Variants in CLEC17A observed in about 807,000 individuals in gnomAD.
CLEC17A encodes the protein C-type lectin domain family 17, member A.
CLEC17A carries 37 observed loss-of-function variants against 61.3 expected under a neutral mutation model. That is an observed-to-expected ratio of 0.60 (90% CI 0.46 to 0.79). The LOEUF (loss-of-function observed/expected upper bound fraction) is 0.79. Ranked by LOEUF, CLEC17A falls within the 30% of genes least tolerant of loss-of-function variation. The pLI is 0.00. For synonymous variants in CLEC17A, 168 were observed against 164.9 expected (o/e 1.02, Z -0.14); for missense variants, 418 against 464.7 (o/e 0.90, Z 0.92).
chr19:14,595,748 G>A (rs1470311667), intron 8 of CLEC17A, among the ~76,000 whole-genome samples: 2 of 152,124 alleles, frequency 1.3e-5, no homozygotes, highest in Non-Finnish European at 2.9e-5. Flanking sequence ...AGATAGTGAT[G>A]GTGTTGTTGG....
upstream of CLEC17A, among the ~76,000 whole-genome samples, chr19:14,581,700 A>G (rs1207017808): frequency 6.6e-6 from 1 of 151,470 alleles, no homozygotes; most frequent in Non-Finnish European, 1.5e-5. Flanking sequence ...TTGCCCAGGC[A>G]GGAGTGCAAT....
rs1222044172 is a variant in CLEC17A at position 14,611,374 on chromosome 19, T to C, written c.*1178T>C. On this transcript the variant is annotated 3_prime_UTR_variant, in exon 14 of 14. Coordinates refer to ENST00000417570, the MANE Select transcript of CLEC17A (RefSeq NM_001204118.2). ...CTTGGCCCGTGGAACTTCTATCCTT[T>C]TTTTTTTTTTTTTTTTTTTTTGAGA... Among the ~76,000 whole-genome samples the C allele has an allele frequency of 1.6e-5, 2 of 127,714 alleles. No individual in the cohort carries two copies. The highest frequency in any genetic ancestry group is 3.1e-5 in the Non-Finnish European group (2 of 64,452). 83.8% of individuals were successfully genotyped at this position (127,714 alleles called of 152,430 possible). A position where few individuals can be genotyped will look rare whatever the true frequency, so the allele number is the denominator to read the frequency against.
chr19:14,597,003 C>G lies in CLEC17A; in HGVS notation c.573C>G (p.Thr191=). The G allele has an allele frequency of 6.2e-7, 1 of 1,609,772 alleles. No individual in the cohort carries two copies. The highest frequency in any genetic ancestry group is 8.5e-7 in the Non-Finnish European group (1 of 1,178,088). The change falls in exon 9 of 14, where the codon ACC becomes ACG. Residue 191 remains threonine, a synonymous_variant. Coordinates refer to ENST00000417570, the MANE Select transcript of CLEC17A (RefSeq NM_001204118.2). ...TGGGCTGCCTTGGTCTCACTGTGAC[C>G]CTGATTAAGTGTGAGTAGGGCCAGG... ...LFLGCLGLTV[T]LIKYQELMEE...
Position 14,592,166 on chromosome 19 carries a change from G to A in CLEC17A, c.200-115G>A, listed in dbSNP as rs1247539057. 3 of 1,311,440 alleles carry A rather than the reference G, an allele frequency of 2.3e-6. No individual in the cohort carries two copies. The East Asian group carries it at 7.5e-5, about 33-fold the overall frequency. 81.2% of individuals were successfully genotyped at this position (1,311,440 alleles called of 1,614,324 possible). A position where few individuals can be genotyped will look rare whatever the true frequency, so the allele number is the denominator to read the frequency against. The stretch of plus-strand genomic sequence containing the variant: ...CAGGCTGGGGCTGGGGCCCAGGTGT[G>A]GTCAAGATCCAGGGTACAGAATCCC... On this transcript the variant is annotated intron_variant, in intron 3 of 13. Transcript: ENST00000417570.
chr19:14,607,208 TC>T, intron 13 of CLEC17A, 106 bp downstream of exon 13: 1 of 416,566 alleles, frequency 2.4e-6, no homozygotes, highest in East Asian at 4.1e-5. Flanking sequence ...AGGAGCTGTT[TC>T]TTTTTTTTTT....
At chr19:14,609,777 G>T (rs1394578353) in intron 13 of CLEC17A, among the ~76,000 whole-genome samples, 1 of 151,916 alleles carries the variant, frequency 6.6e-6, no homozygotes, top group African/African-American at 2.4e-5. Context: ...GACAGAGGTT[G>T]CAGTGAGCCG....
At chr19:14,581,610 G>C (rs534571212), upstream of CLEC17A, among the ~76,000 whole-genome samples, 5 of 152,138 alleles carry the variant, frequency 3.3e-5, no homozygotes, top group African/African-American at 1.2e-4. Flanking sequence ...GGGATTACAG[G>C]CGTGAGCCAC....
chr19:14,606,043 T>C (rs894499090), intron 12 of CLEC17A, among the ~76,000 whole-genome samples: 1 of 152,118 alleles, frequency 6.6e-6, no homozygotes. Flanking sequence ...AAGCCTGGGC[T>C]TTTGAAATAC....
chr19:14,601,277 A>G (rs1477878813), intron 12 of CLEC17A, among the ~76,000 whole-genome samples: 1 of 152,158 alleles, frequency 6.6e-6, no homozygotes, highest in African/African-American at 2.4e-5. Flanking sequence ...GGGAAATCAT[A>G]CATTGACTGT....
At chr19:14,593,826 G>T (rs983425729) in intron 4 of CLEC17A, among the ~76,000 whole-genome samples, 1 of 151,950 alleles carries the variant, frequency 6.6e-6, no homozygotes, top group Non-Finnish European at 1.5e-5. Flanking sequence ...GCTGGGTGTG[G>T]TGGTGGGCAC....
chr19:14,605,079 TC>T (rs2074821793), intron 12 of CLEC17A, among the ~76,000 whole-genome samples: 4 of 151,628 alleles, frequency 2.6e-5, no homozygotes, highest in Admixed American at 2.6e-4. Flanking sequence ...ACGCCTGTAA[TC>T]CCAGCACTTT....
At chr19:14,605,845 C>T (rs1354998797) in intron 12 of CLEC17A, among the ~76,000 whole-genome samples, 4 of 151,984 alleles carry the variant, frequency 2.6e-5, no homozygotes, top group South Asian at 2.1e-4. Context: ...CTTAAGGGAT[C>T]CTCCCACCTC....
chr19:14,586,478 A>G (rs530735333), intron 2 of CLEC17A, among the ~76,000 whole-genome samples: 36 of 152,062 alleles, frequency 2.4e-4, no homozygotes, highest in Admixed American at 7.2e-4. Context: ...GCTGGAGTGT[A>G]GTAGTGCAAT....
chr19:14,583,699 G>A (rs555935767), intron 2 of CLEC17A, among the ~76,000 whole-genome samples: 2 of 152,188 alleles, frequency 1.3e-5, no homozygotes, highest in South Asian at 4.2e-4. Flanking sequence ...ATAGAGGAAG[G>A]GACTTTGGGG....
rs1555746363 is a variant in CLEC17A at position 14,597,088 on chromosome 19, C to T, written c.584-11C>T. 6 of 1,612,944 alleles carry T rather than the reference C, an allele frequency of 3.7e-6. No homozygotes were observed. The East Asian group carries it at 8.9e-5, about 24-fold the overall frequency. On this transcript the variant is annotated splice_polypyrimidine_tract_variant and intron_variant, in intron 9 of 13. Transcript: ENST00000417570. Reference sequence around the variant, plus strand: ...GGAGGACCTGGGCTCAATTTGGACTCTTCTTCATAGACCAGGAGTTGATGG... The same window carrying T: ...GGAGGACCTGGGCTCAATTTGGACTTTTCTTCATAGACCAGGAGTTGATGG...
chr19:14,591,684 G>C (rs1170054529), intron 3 of CLEC17A, among the ~76,000 whole-genome samples: 1 of 151,820 alleles, frequency 6.6e-6, no homozygotes, highest in Admixed American at 6.6e-5. Context: ...CTCACAAGTA[G>C]CTGGGATTAC....
At position 14,607,076 on chromosome 19, in the gene CLEC17A, G is replaced by A; in HGVS notation, c.978G>A (p.Trp326Ter). The A allele has an allele frequency of 7.5e-7, 1 of 1,331,156 alleles. No homozygotes were observed. Among genetic ancestry groups the A allele is most frequent in the Non-Finnish European group, 9.7e-7 (1 of 1,033,444 alleles). The allele number at this position is 1,331,156 out of a possible 1,614,324, so 82.5% of individuals were successfully genotyped here. ...GGGCCCAGGAAGGGGACTGGAGGTG[G>A]CTGGATGGGTCTCCTGTGACATTAA... ...NDRAQEGDWR[W>*]LDGSPVTLSF... is the part of the protein sequence containing the mutation. Residue 326 changes from tryptophan to a stop codon, truncating the protein, a stop_gained, in exon 13 of 14, where the codon TGG becomes TGA. Transcript: ENST00000417570. LOFTEE classifies it high-confidence loss of function.
chr19:14,585,168 G>T (rs556836857), intron 2 of CLEC17A, among the ~76,000 whole-genome samples: 3,667 of 152,178 alleles, frequency 0.024, 2 homozygotes, highest in African/African-American at 0.084. Context: ...GGAAACCAGA[G>T]AATTTAAAAA....
In CLEC17A at chr19:14,591,940, G is replaced by T. The variant is rs182166146; in HGVS notation, c.200-341G>T. Among the ~76,000 whole-genome samples the T allele has an allele frequency of 2.4e-3, 351 of 149,346 alleles. 1 individual carries two copies. Among genetic ancestry groups the T allele is most frequent in the Admixed American group, 8.1e-3 (121 of 14,982 alleles). ...TGTGTGTGTGTGTGTGTGTGTTTGTGTGAGGTCCAGGGGCTTCCCCCCAAG... is the reference window on the plus strand; with the variant it reads ...TGTGTGTGTGTGTGTGTGTGTTTGTTTGAGGTCCAGGGGCTTCCCCCCAAG... On this transcript the variant is annotated intron_variant, in intron 3 of 13. Transcript: ENST00000417570.
Sources: allele counts gnomAD v4.1 joint callset (sites outside exome capture counted in the v4.1 genomes callset), GRCh38; gene constraint gnomAD v4.1.1; transcripts MANE v1.5; gene names NCBI Gene and HGNC (gene_info 2026-07-23, HGNC 2026-07-21).